KCNQ1OT1: variants seen among roughly 807,000 people sequenced by gnomAD.
The protein encoded by KCNQ1OT1 is KCNQ1 antisense RNA 2 (non-protein coding).
chr11:2,683,001 G>C lies in KCNQ1OT1; in HGVS notation n.16994C>G. 2.5e-6 allele frequency: 1 copy of C among 398,664 alleles called. No individual in the cohort carries two copies. Among genetic ancestry groups the C allele is most frequent in the Non-Finnish European group, 4.4e-6 (1 of 226,102 alleles). The allele number at this position is 398,664 out of a possible 1,614,324, so 24.7% of individuals were successfully genotyped here. The stretch of plus-strand genomic sequence containing the variant: ...CATTCAGACATCTCCCTTGTGCTGT[G>C]CAGCCTTAGTTCTGCCTCCTGAGAG... On this transcript the variant is annotated non_coding_transcript_exon_variant, in exon 1 of 1. Coordinates refer to ENST00000597346, the Ensembl canonical transcript of KCNQ1OT1. This position sits in a 1 kb window ranked among gnomAD's most constrained non-coding sequence, Gnocchi z 4.7.
chr11:2,694,741 A>C (rs1344363665), exon 1 of KCNQ1OT1: 4 of 398,536 alleles, frequency 1.0e-5, no homozygotes, highest in Admixed American at 8.8e-5. Context: ...ACAAATAAGT[A>C]GATGTCTAAG....
exon 1 of KCNQ1OT1, chr11:2,649,707 C>T (rs911794076): frequency 2.0e-5 from 8 of 398,344 alleles, no homozygotes; most frequent in Non-Finnish European, 3.5e-5. Flanking sequence ...TGACTTCATG[C>T]TTCTCTCTTG....
At chr11:2,622,032 T>G in exon 1 of KCNQ1OT1, 1 of 397,832 alleles carries the variant, frequency 2.5e-6, no homozygotes, top group Non-Finnish European at 4.4e-6. Flanking sequence ...CTCTTAGAAC[T>G]GCTTTTGCTG....
rs984479296 is a variant in KCNQ1OT1, at chr11:2,657,527, G to A, written n.42468C>T. 8 of 398,364 alleles carry A rather than the reference G, an allele frequency of 2.0e-5. No homozygotes were observed. The highest frequency in any genetic ancestry group is 3.6e-5 in the East Asian group (1 of 28,064). 24.7% of individuals were successfully genotyped at this position (398,364 alleles called of 1,614,324 possible). A position where few individuals can be genotyped will look rare whatever the true frequency, so the allele number is the denominator to read the frequency against. ...ACAGAAGAGAAACAAAAATAGTACC[G>A]AGTACCCACATCCCTTTCACCAGCT... On this transcript the variant is annotated non_coding_transcript_exon_variant, in exon 1 of 1. Transcript: ENST00000597346. This position sits in a 1 kb window ranked among gnomAD's most constrained non-coding sequence, Gnocchi z 4.8.
chr11:2,670,193 G>T lies in KCNQ1OT1; in HGVS notation n.29802C>A, dbSNP rs1455752991. On this transcript the variant is annotated non_coding_transcript_exon_variant, in exon 1 of 1. Coordinates refer to ENST00000597346, the Ensembl canonical transcript of KCNQ1OT1. This position sits in a 1 kb window ranked among gnomAD's most constrained non-coding sequence, Gnocchi z 4.9. Reference sequence around the variant, plus strand: ...AGGCAAGCACCCACATTAAAGCAGAGTGAAGAGCAGGGCGAGCTGTGTAGC... The same window carrying T: ...AGGCAAGCACCCACATTAAAGCAGATTGAAGAGCAGGGCGAGCTGTGTAGC... 3 of 398,526 alleles carry T rather than the reference G, an allele frequency of 7.5e-6. No homozygotes were observed. The highest frequency in any genetic ancestry group is 4.4e-5 in the Admixed American group (1 of 22,720). 24.7% of individuals were successfully genotyped at this position (398,526 alleles called of 1,614,324 possible).
Position 2,627,744 on chromosome 11 carries a change from C to T in KCNQ1OT1, n.72251G>A, listed in dbSNP as rs1589990320. The T allele has an allele frequency of 2.5e-6, 1 of 398,314 alleles. No homozygotes were observed. The highest frequency in any genetic ancestry group is 4.4e-6 in the Non-Finnish European group (1 of 226,006). The allele number at this position is 398,314 out of a possible 1,614,324, so 24.7% of individuals were successfully genotyped here. The stretch of plus-strand genomic sequence containing the variant: ...TTGGGAATTTGGTGATACACACACA[C>T]ACACTATTTTCTTCCTTTCTTTTTG... On this transcript the variant is annotated non_coding_transcript_exon_variant, in exon 1 of 1. Transcript: ENST00000597346. The surrounding 1 kb of genome is among the most constrained non-coding windows in gnomAD (Gnocchi z 4.9).
exon 1 of KCNQ1OT1, chr11:2,630,134 T>G (rs991876842): frequency 1.3e-5 from 5 of 398,296 alleles, no homozygotes. Context: ...TGGAAGGATG[T>G]TGAATTATGT....
In KCNQ1OT1 at chr11:2,654,106, G is replaced by A. The variant is rs1174391671; in HGVS notation, n.45889C>T. ...TGTCCCTTACTTCTCGCCTCTGAGT[G>A]GAGACACAGGTGGTGGCGGGGCCAC... On this transcript the variant is annotated non_coding_transcript_exon_variant, in exon 1 of 1. Transcript: ENST00000597346. The surrounding 1 kb of genome is among the most constrained non-coding windows in gnomAD (Gnocchi z 6.4). The A allele has an allele frequency of 7.5e-6, 3 of 398,766 alleles. No homozygotes were observed. The East Asian group carries it at 1.1e-4, about 14-fold the overall frequency. 24.7% of individuals were successfully genotyped at this position (398,766 alleles called of 1,614,324 possible).
Position 2,645,383 on chromosome 11 carries a change from G to T in KCNQ1OT1, n.54612C>A. ...GCTGGCACTGGGAGAAAAGAGGGTGGGACCAGGCCAGGTGGGCCTGTCCTG... is the reference window on the plus strand; with the variant it reads ...GCTGGCACTGGGAGAAAAGAGGGTGTGACCAGGCCAGGTGGGCCTGTCCTG... On this transcript the variant is annotated non_coding_transcript_exon_variant, in exon 1 of 1. Coordinates refer to ENST00000597346, the Ensembl canonical transcript of KCNQ1OT1. The surrounding 1 kb of genome is among the most constrained non-coding windows in gnomAD (Gnocchi z 5.8). 1 of 398,782 alleles carries T rather than the reference G, an allele frequency of 2.5e-6. No individual in the cohort carries two copies. The highest frequency in any genetic ancestry group is 6.3e-4 in the Middle Eastern group (1 of 1,590). The allele number at this position is 398,782 out of a possible 1,614,324, so 24.7% of individuals were successfully genotyped here.
Position 2,677,938 on chromosome 11 carries a change from T to C in KCNQ1OT1, n.22057A>G, listed in dbSNP as rs1850322398. On this transcript the variant is annotated non_coding_transcript_exon_variant, in exon 1 of 1. Transcript: ENST00000597346. This position sits in a 1 kb window ranked among gnomAD's most constrained non-coding sequence, Gnocchi z 4.5. ...TTTTTATCTTCATTCATTTCATAGA[T>C]GAGAAATGGTACACTGGAGCTTTAA... 2.5e-6 allele frequency: 1 copy of C among 398,468 alleles called. No homozygotes were observed. The highest frequency in any genetic ancestry group is 2.1e-5 in the African/African-American group (1 of 48,650). The allele number at this position is 398,468 out of a possible 1,614,324, so 24.7% of individuals were successfully genotyped here. A position where few individuals can be genotyped will look rare whatever the true frequency, so the allele number is the denominator to read the frequency against.
In KCNQ1OT1 at chr11:2,654,143, G is replaced by T. The variant is rs970086602; in HGVS notation, n.45852C>A. 2.0e-5 allele frequency: 8 copies of T among 398,446 alleles called. No individual in the cohort carries two copies. Among genetic ancestry groups the T allele is most frequent in the Non-Finnish European group, 4.4e-6 (1 of 225,990 alleles). The allele number at this position is 398,446 out of a possible 1,614,324, so 24.7% of individuals were successfully genotyped here. A position where few individuals can be genotyped will look rare whatever the true frequency, so the allele number is the denominator to read the frequency against. ...GGTGGCGGGGCCACTCTGGCTCAGG[G>T]TCTATGAGCCGGGCATGGGCAGCTG... is the stretch of plus-strand genomic sequence containing the variant. On this transcript the variant is annotated non_coding_transcript_exon_variant, in exon 1 of 1. Coordinates refer to ENST00000597346, the Ensembl canonical transcript of KCNQ1OT1. The surrounding 1 kb of genome is among the most constrained non-coding windows in gnomAD (Gnocchi z 6.4).
In KCNQ1OT1 at chr11:2,657,350, A is replaced by T; in HGVS notation, n.42645T>A. ...GTCTTCTAGTCATTGGAATGAAGGC[A>T]TATTTCTCCATTTATATCTTCTTCA... On this transcript the variant is annotated non_coding_transcript_exon_variant, in exon 1 of 1. Transcript: ENST00000597346. The surrounding 1 kb of genome is among the most constrained non-coding windows in gnomAD (Gnocchi z 4.8). The T allele has an allele frequency of 2.5e-6, 1 of 398,618 alleles. No homozygotes were observed. The highest frequency in any genetic ancestry group is 4.4e-6 in the Non-Finnish European group (1 of 226,070). The allele number at this position is 398,618 out of a possible 1,614,324, so 24.7% of individuals were successfully genotyped here.
chr11:2,667,236 C>G, exon 1 of KCNQ1OT1: 1 of 398,712 alleles, frequency 2.5e-6, no homozygotes. Context: ...TTCACTTCCT[C>G]CGTCTGAGCA....
exon 1 of KCNQ1OT1, chr11:2,618,377 TC>T (rs1475413009): frequency 7.5e-6 from 3 of 398,470 alleles, no homozygotes; most frequent in Non-Finnish European, 1.3e-5. Flanking sequence ...ATTAAAGCCA[TC>T]CTGGGCTTAC....
exon 1 of KCNQ1OT1, chr11:2,650,889 A>G (rs1161581249): frequency 2.5e-6 from 1 of 398,542 alleles, no homozygotes; most frequent in African/African-American, 2.1e-5. Context: ...GATGAGGAGC[A>G]GCATGCTATT....
In KCNQ1OT1 at chr11:2,687,363, G is replaced by T. The variant is rs1207616825; in HGVS notation, n.12632C>A. 1.8e-5 allele frequency: 7 copies of T among 398,548 alleles called. No homozygotes were observed. The highest frequency in any genetic ancestry group is 3.1e-5 in the Non-Finnish European group (7 of 226,114). The allele number at this position is 398,548 out of a possible 1,614,324, so 24.7% of individuals were successfully genotyped here. A position where few individuals can be genotyped will look rare whatever the true frequency, so the allele number is the denominator to read the frequency against. ...GGCTGAGGTAGCCAGGTCTGCCTTG[G>T]GCTGTCACTCAGGGCTGAGCTCTGC... On this transcript the variant is annotated non_coding_transcript_exon_variant, in exon 1 of 1. Coordinates refer to ENST00000597346, the Ensembl canonical transcript of KCNQ1OT1. This position sits in a 1 kb window ranked among gnomAD's most constrained non-coding sequence, Gnocchi z 5.0.
exon 1 of KCNQ1OT1, chr11:2,667,769 G>A (rs1238482471): frequency 2.3e-5 from 9 of 398,602 alleles, no homozygotes; most frequent in Non-Finnish European, 3.1e-5. Flanking sequence ...GGCCCTGAAG[G>A]CCAGGGCTAT....
chr11:2,662,076 C>T, exon 1 of KCNQ1OT1: 1 of 1,614,242 alleles, frequency 6.2e-7, no homozygotes, highest in South Asian at 1.1e-5. Context: ...TCACCCACAT[C>T]TCACAGTGAG....
chr11:2,609,817 G>T, exon 1 of KCNQ1OT1: 1 of 397,956 alleles, frequency 2.5e-6, no homozygotes, highest in Non-Finnish European at 4.4e-6. Context: ...AATCTCCTTT[G>T]ACTTTATTAT....
Sources: allele counts gnomAD v4.1 joint callset, GRCh38; gene constraint gnomAD v4.1.1; non-coding constraint Gnocchi (gnomAD v3.1); transcripts MANE v1.5; gene names NCBI Gene and HGNC (gene_info 2026-07-23, HGNC 2026-07-21).